INVS: variants seen among roughly 807,000 people sequenced by gnomAD.
INVS encodes inversin.
A neutral mutation model predicts 108.8 loss-of-function variants in INVS; 86 were observed. That is an observed-to-expected ratio of 0.79 (90% CI 0.66 to 0.95). INVS has a LOEUF of 0.95. INVS is among the 40% of genes least tolerant of loss of function. The pLI, the probability that INVS is intolerant of heterozygous loss-of-function variation, is 0.00. For synonymous variants in INVS, 455 were observed against 473.5 expected (o/e 0.96, Z 0.51); for missense variants, 1,169 against 1,297.4 (o/e 0.90, Z 1.52).
At chr9:100,233,581 C>A (rs985215811) in intron 5 of INVS, among the ~76,000 whole-genome samples, 2 of 151,912 alleles carry the variant, frequency 1.3e-5, no homozygotes, top group Non-Finnish European at 2.9e-5. Flanking sequence ...TAGCATGAAG[C>A]GGTGTTGAAT....
chr9:100,122,101 T>A (rs1165661212), intron 2 of INVS, among the ~76,000 whole-genome samples: 1 of 152,206 alleles, frequency 6.6e-6, no homozygotes, highest in Non-Finnish European at 1.5e-5. Context: ...TATTGTATAT[T>A]TTGGTCAAGG....
At chr9:100,270,932 A>AG (rs1832936710) in intron 11 of INVS, among the ~76,000 whole-genome samples, 1 of 151,740 alleles carries the variant, frequency 6.6e-6, no homozygotes, top group South Asian at 2.1e-4. Flanking sequence ...TCAAAAAAAA[A>AG]GAAAAAAAAA....
intron 3 of INVS, among the ~76,000 whole-genome samples, chr9:100,156,173 C>T (rs1201823391): frequency 3.9e-5 from 6 of 151,950 alleles, no homozygotes; most frequent in African/African-American, 1.5e-4. Flanking sequence ...GTTAAAGGAG[C>T]TTCCAAAGAT....
intron 2 of INVS, among the ~76,000 whole-genome samples, chr9:100,112,696 C>A (rs1452987395): frequency 6.6e-6 from 1 of 151,326 alleles, no homozygotes; most frequent in Non-Finnish European, 1.5e-5. Context: ...AAAAAAAAAT[C>A]TCATAATGTT....
chr9:100,175,760 C>A, intron 3 of INVS: 1 of 632,180 alleles, frequency 1.6e-6, no homozygotes, highest in Admixed American at 1.9e-5. Context: ...CGGCCTGGGG[C>A]AACCAGACCT....
Position 100,252,989 on chromosome 9 carries a change from C to T in INVS, c.1317C>T (p.Cys439=), listed in dbSNP as rs886063266. The change falls in exon 10 of 17, where the codon TGC becomes TGT. Residue 439 remains cysteine, a synonymous_variant. Coordinates refer to ENST00000262457, the MANE Select transcript of INVS (RefSeq NM_014425.5). ...CACTGGGAGGAAATGCTGATGTTTG[C>T]CAGATATTAATAGAAAATAAGATCA... The part of the protein sequence containing the change: ...WAALGGNADV[C]QILIENKINP... The T allele has an allele frequency of 1.2e-6, 2 of 1,613,574 alleles. No individual in the cohort carries two copies. Among genetic ancestry groups the T allele is most frequent in the Admixed American group, 3.3e-5 (2 of 59,946 alleles).
intron 3 of INVS, among the ~76,000 whole-genome samples, chr9:100,187,436 T>C (rs1435341423): frequency 6.6e-6 from 1 of 152,146 alleles, no homozygotes; most frequent in Non-Finnish European, 1.5e-5. Context: ...TGTAGATTGC[T>C]TTGGGCAGTA....
chr9:100,171,059 G>A (rs60067946), intron 3 of INVS, among the ~76,000 whole-genome samples: 4,734 of 152,178 alleles, frequency 0.031, 237 homozygotes, highest in African/African-American at 0.11. Context: ...AAAAGAGAGA[G>A]GAAGCCCATT....
chr9:100,204,104 A>T (rs79595327), intron 3 of INVS, among the ~76,000 whole-genome samples: 1,741 of 152,280 alleles, frequency 0.011, 25 homozygotes, highest in African/African-American at 0.039. Flanking sequence ...TTCACAATTG[A>T]GGAAACTGAG....
Position 100,252,941 on chromosome 9 carries a change from A to T in INVS, c.1269A>T (p.Gly423=), listed in dbSNP as rs761965234. ...GARVDLVDQD[G]HSLLHWAALG... is the part of the protein sequence containing the mutation. ...GGGTAGATCTAGTTGACCAAGATGG[A>T]CATTCTCTTCTACATTGGGCAGCAC... The change falls in exon 10 of 17, where the codon GGA becomes GGT. Residue 423 remains glycine, a synonymous_variant. Transcript: ENST00000262457. The T allele has an allele frequency of 3.7e-6, 6 of 1,613,516 alleles. No individual in the cohort carries two copies. The African/African-American group carries it at 6.7e-5, about 18-fold the overall frequency.
chr9:100,252,484 G>T (rs1564176695), intron 9 of INVS, 46 bp downstream of exon 9: 1 of 1,543,232 alleles, frequency 6.5e-7, no homozygotes, highest in Non-Finnish European at 9.0e-7. Flanking sequence ...TAACAGGTAG[G>T]AATTCTTGCA....
chr9:100,234,600 T>C (rs1453390382), intron 5 of INVS, among the ~76,000 whole-genome samples: 1 of 152,218 alleles, frequency 6.6e-6, no homozygotes, highest in African/African-American at 2.4e-5. Context: ...ACTTATTTAT[T>C]TCTGCTTTTA....
At chr9:100,203,646 GCATGCGCCAC>G in intron 3 of INVS, among the ~76,000 whole-genome samples, 1 of 151,984 alleles carries the variant, frequency 6.6e-6, no homozygotes, top group South Asian at 2.1e-4. Context: ...GGGATTACAG[GCATGCGCCAC>G]CATGCGTGGC....
chr9:100,185,516 AATATATATATATATATATATAT>A (rs35603398), intron 3 of INVS, among the ~76,000 whole-genome samples: 153 of 110,860 alleles, frequency 1.4e-3, no homozygotes, highest in African/African-American at 3.4e-3. Flanking sequence ...TATGCATAGA[AATATATATATATATATATATAT>A]ATATATATAT....
intron 3 of INVS, among the ~76,000 whole-genome samples, chr9:100,148,020 CAA>C (rs551874913): frequency 4.8e-4 from 38 of 79,084 alleles, no homozygotes; most frequent in Non-Finnish European, 7.3e-4. Flanking sequence ...CCTGTCTCTA[CAA>C]AAAAAAAAAA....
chr9:100,174,634 C>T (rs989920128), intron 3 of INVS, among the ~76,000 whole-genome samples: 5 of 152,106 alleles, frequency 3.3e-5, no homozygotes, highest in Non-Finnish European at 7.4e-5. Flanking sequence ...AAAATCTTGG[C>T]CAGGCATGGT....
intron 3 of INVS, among the ~76,000 whole-genome samples, chr9:100,161,706 G>A (rs1044194195): frequency 6.6e-6 from 1 of 152,118 alleles, no homozygotes; most frequent in Non-Finnish European, 1.5e-5. Context: ...TTGGATTGCA[G>A]GAGCAAGACA....
intron 3 of INVS, among the ~76,000 whole-genome samples, chr9:100,192,227 C>A (rs1232016923): frequency 2.0e-5 from 3 of 149,532 alleles, no homozygotes; most frequent in Non-Finnish European, 4.4e-5. Context: ...TGCTTTCAGT[C>A]CACCATCTTG....
At chr9:100,216,426 G>A (rs1830989320) in intron 3 of INVS, among the ~76,000 whole-genome samples, 1 of 152,180 alleles carries the variant, frequency 6.6e-6, no homozygotes, top group Non-Finnish European at 1.5e-5. Flanking sequence ...CAGCAAACCA[G>A]GCCAAGGCAT....
Sources: gnomAD v4.1 joint callset for allele counts (sites outside exome capture counted in the v4.1 genomes callset) on GRCh38, gnomAD v4.1.1 for gene constraint, MANE v1.5 for transcripts, NCBI Gene and HGNC (gene_info 2026-07-23, HGNC 2026-07-21) for gene names.